DOCK7: variants seen among roughly 807,000 people sequenced by gnomAD.
DOCK7 encodes the protein dedicator of cytokinesis protein 7.
Under a neutral mutation model 271.0 loss-of-function variants are expected in DOCK7, and 138 were observed. That is an observed-to-expected ratio of 0.51 (90% CI 0.44 to 0.59). The LOEUF (loss-of-function observed/expected upper bound fraction) is 0.59, where lower values mean the gene tolerates loss of function less well. Among genes scored for constraint, DOCK7 ranks in the 20% least tolerant of loss-of-function variants. The pLI, the probability that DOCK7 is intolerant of heterozygous loss-of-function variation, is 0.00. For synonymous variants in DOCK7, 823 were observed against 876.1 expected, an observed-to-expected ratio of 0.94 and a Z score of 1.07; for missense variants, 2,066 against 2,592.4, an observed-to-expected ratio of 0.80 and a Z score of 4.41.
intron 43 of DOCK7, chr1:62,483,181 T>TC (rs2149273034): frequency 3.0e-5 from 1 of 33,522 alleles, no homozygotes; most frequent in Non-Finnish European, 5.9e-5. Context: ...CTAATTTTTT[T>TC]TTTTTTTTTT....
rs1571667505 is a variant in DOCK7 at position 62,589,373 on chromosome 1, A to G, written c.1683-2749T>C. ...TTCTTATGGATGATTAACTTGTCCC[A>G]TCTTTGGCAAATGAAAAAAACAATG... On this transcript the variant is annotated intron_variant, in intron 14 of 49. Coordinates refer to ENST00000635253, the MANE Select transcript of DOCK7 (RefSeq NM_001367561.1). 2.0e-5 allele frequency among the ~76,000 whole-genome samples: 3 copies of G among 152,238 alleles called. No homozygotes were observed. The South Asian group carries it at 6.2e-4, about 32-fold the overall frequency.
chr1:62,593,676 A>C (rs1648796102), intron 14 of DOCK7, among the ~76,000 whole-genome samples: 1 of 152,200 alleles, frequency 6.6e-6, no homozygotes, highest in South Asian at 2.1e-4. Flanking sequence ...CACACAAAAC[A>C]GTAAGATAGA....
chr1:62,598,703 T>C (rs374849319), intron 14 of DOCK7: 1 of 1,603,624 alleles, frequency 6.2e-7, no homozygotes, highest in Non-Finnish European at 8.5e-7. Context: ...CAGACTTTTG[T>C]AGAAAAACAA....
intron 4 of DOCK7, among the ~76,000 whole-genome samples, chr1:62,651,303 G>A (rs1377295711): frequency 8.0e-6 from 1 of 124,686 alleles, no homozygotes; most frequent in Admixed American, 8.3e-5. Flanking sequence ...TGTGGGGTGG[G>A]GGGAGGGGGA....
chr1:62,573,007 T>C (rs1646833165), intron 18 of DOCK7, among the ~76,000 whole-genome samples: 1 of 152,228 alleles, frequency 6.6e-6, no homozygotes, highest in Admixed American at 6.5e-5. Context: ...AAATTATTCC[T>C]ACACAATTAC....
At chr1:62,595,206 A>C (rs1649049771) in intron 14 of DOCK7, among the ~76,000 whole-genome samples, 1 of 152,194 alleles carries the variant, frequency 6.6e-6, no homozygotes, top group African/African-American at 2.4e-5. Context: ...CTCAATTTAC[A>C]TTATCTTAAT....
At chr1:62,494,507 C>T in intron 39 of DOCK7, 40 bp from the exon 40 acceptor site, 1 of 1,556,656 alleles carries the variant, frequency 6.4e-7, no homozygotes, top group Non-Finnish European at 8.8e-7. Flanking sequence ...GTATGTGCTT[C>T]CCAAGCTGGG....
chr1:62,668,796 G>A (rs1170668454), intron 1 of DOCK7, among the ~76,000 whole-genome samples: 2 of 151,788 alleles, frequency 1.3e-5, no homozygotes, highest in African/African-American at 2.4e-5. Context: ...TTGGGAGGCT[G>A]AGGTGGGAGG....
intron 4 of DOCK7, among the ~76,000 whole-genome samples, chr1:62,649,456 T>C (rs1277175638): frequency 6.6e-6 from 1 of 152,172 alleles, no homozygotes; most frequent in Non-Finnish European, 1.5e-5. Context: ...AGACACTCAA[T>C]ATAGTAACAT....
intron 18 of DOCK7, among the ~76,000 whole-genome samples, chr1:62,575,383 G>C (rs1166783156): frequency 6.6e-6 from 1 of 152,116 alleles, no homozygotes; most frequent in African/African-American, 2.4e-5. Context: ...CAATGAGGAT[G>C]AAGGCCTTGA....
intron 29 of DOCK7, among the ~76,000 whole-genome samples, chr1:62,535,238 AC>A (rs1240510302): frequency 1.7e-4 from 26 of 152,340 alleles, no homozygotes; most frequent in African/African-American, 6.0e-4. Context: ...GAAAAAGAAC[AC>A]TACTAAATGA....
At chr1:62,523,305 G>A (rs530489037) in intron 31 of DOCK7, among the ~76,000 whole-genome samples, 11 of 152,092 alleles carry the variant, frequency 7.2e-5, no homozygotes, top group Admixed American at 4.6e-4. Flanking sequence ...CAGAGATGTA[G>A]GGAAAATATT....
chr1:62,469,638 T>C (rs1645773367), intron 48 of DOCK7, among the ~76,000 whole-genome samples: 1 of 151,814 alleles, frequency 6.6e-6, no homozygotes, highest in Non-Finnish European at 1.5e-5. Flanking sequence ...ACCCACAGAG[T>C]GGGAGAAAAT....
intron 1 of DOCK7, among the ~76,000 whole-genome samples, chr1:62,680,733 C>T (rs1661027725): frequency 6.6e-6 from 1 of 151,682 alleles, no homozygotes; most frequent in Non-Finnish European, 1.5e-5. Context: ...AGGATATGAA[C>T]AGACACTTCT....
chr1:62,608,977 G>C (rs1172670087), intron 14 of DOCK7: 2 of 152,090 alleles, frequency 1.3e-5, no homozygotes, highest in Non-Finnish European at 2.9e-5. Flanking sequence ...TCTGCTGTAG[G>C]ATAATCAAAT....
intron 19 of DOCK7, among the ~76,000 whole-genome samples, chr1:62,560,715 G>A (rs1285121414): frequency 6.6e-6 from 1 of 152,094 alleles, no homozygotes; most frequent in Non-Finnish European, 1.5e-5. Flanking sequence ...CATCTGAGTT[G>A]TCCACTCTCC....
At chr1:62,587,646 C>T (rs2149502002) in intron 14 of DOCK7, among the ~76,000 whole-genome samples, 1 of 152,090 alleles carries the variant, frequency 6.6e-6, no homozygotes, top group East Asian at 1.9e-4. Flanking sequence ...AATTAAGATA[C>T]CTTAATAAGA....
chr1:62,668,959 C>T (rs1168130), intron 1 of DOCK7, among the ~76,000 whole-genome samples: 147,893 of 151,436 alleles, frequency 0.98, 72,314 homozygotes, highest in Middle Eastern at 1. Context: ...ATTATTATTA[C>T]TCTGCCTTAG....
At chr1:62,553,312 TTATATATATATATA>T (rs1370176103) in intron 21 of DOCK7, among the ~76,000 whole-genome samples, 3 of 20,584 alleles carry the variant, frequency 1.5e-4, no homozygotes, top group African/African-American at 6.0e-4. Context: ...AAAAAGTATT[TTATATATATATATA>T]TATATATATA....
Sources: gnomAD v4.1 joint callset for allele counts (sites outside exome capture counted in the v4.1 genomes callset) on GRCh38, gnomAD v4.1.1 for gene constraint, MANE v1.5 for transcripts, NCBI Gene and HGNC (gene_info 2026-07-23, HGNC 2026-07-21) for gene names.